RAD51AP2: variants seen among roughly 807,000 people sequenced by gnomAD.
RAD51AP2 encodes the protein RAD51-associated protein 2.
Under a neutral mutation model 85.5 loss-of-function variants are expected in RAD51AP2, and 67 were observed. That is an observed-to-expected ratio of 0.78 (90% CI 0.64 to 0.96). The LOEUF is 0.96. RAD51AP2 is among the 40% of genes least tolerant of loss of function. The probability of loss-of-function intolerance (pLI) is 0.00; values close to 1 mark genes in which losing one functional copy is unlikely to be tolerated. For missense variants in RAD51AP2, 1,307 were observed against 1,332.4 expected (o/e 0.98, Z 0.30); for synonymous variants, 474 against 446.5 (o/e 1.06, Z -0.78).
chr2:17,528,279 G>T, the RAD51AP2 span, among the ~76,000 whole-genome samples: 2 of 152,044 alleles, frequency 1.3e-5, no homozygotes, highest in Non-Finnish European at 2.9e-5. Flanking sequence ...ATATTTTATT[G>T]ATTGATTAAT....
chr2:17,531,840 G>T, the RAD51AP2 span, among the ~76,000 whole-genome samples: 82 of 152,248 alleles, frequency 5.4e-4, no homozygotes, highest in African/African-American at 1.9e-3. Flanking sequence ...TTATTATCCA[G>T]AATTTCTTAG....
At position 17,516,617 on chromosome 2, in the gene RAD51AP2, T is replaced by C; in HGVS notation, c.1799A>G (p.Asp600Gly). ...AATGCATTCCTCTTCTAATTCAAAA[T>C]CATTTTCAATTCTTGTTAAAGAGTC... Reference protein sequence around the residue: ...NFDSLTRIENDFELEEECIFK... With the variant: ...NFDSLTRIENGFELEEECIFK... The change falls in exon 1 of 3, where the codon GAT (aspartate) becomes GGT (glycine). Residue 600 changes from aspartate (D) to glycine (G), a missense_variant. Asp to Gly is a moderately conservative substitution (Grantham distance 94). Around this residue, in one of 3 missense-constraint regions of RAD51AP2, gnomAD observed 668 missense variants for 671.0 expected, o/e 1.00. Coordinates refer to ENST00000399080, the MANE Select transcript of RAD51AP2 (RefSeq NM_001099218.3). 6.4e-7 allele frequency: 1 copy of C among 1,574,542 alleles called. No homozygotes were observed. The highest frequency in any genetic ancestry group is 8.6e-7 in the Non-Finnish European group (1 of 1,164,388).
intron 2 of RAD51AP2, among the ~76,000 whole-genome samples, chr2:17,511,785 A>C (rs2058991514): frequency 6.6e-6 from 1 of 152,184 alleles, no homozygotes; most frequent in African/African-American, 2.4e-5. Flanking sequence ...ATCTATGTAA[A>C]CTTTAATGAA....
At chr2:17,525,626 C>G in the RAD51AP2 span, among the ~76,000 whole-genome samples, 1 of 152,022 alleles carries the variant, frequency 6.6e-6, no homozygotes, top group African/African-American at 2.4e-5. Flanking sequence ...TTACATAGTA[C>G]TTATGAATAG....
Position 17,516,440 on chromosome 2 carries a change from A to C in RAD51AP2, c.1976T>G (p.Phe659Cys), listed in dbSNP as rs754812020. The stretch of plus-strand genomic sequence containing the variant: ...AATGAGTTTTTTCTTAGACTTTTCA[A>C]AAACTTGTTCAGTTCTAAATAACTT... ...KRKLFRTEQV[F>C]EKSKKKLINS... The change falls in exon 1 of 3, where the codon TTT becomes TGT. Residue 659 changes from phenylalanine to cysteine, a missense_variant. Transcript: ENST00000399080. 1.9e-6 allele frequency: 3 copies of C among 1,586,466 alleles called. No individual in the cohort carries two copies. The East Asian group carries it at 6.7e-5, about 36-fold the overall frequency.
Position 17,517,244 on chromosome 2 carries a change from T to A in RAD51AP2, c.1172A>T (p.Lys391Ile). The A allele has an allele frequency of 1.2e-6, 2 of 1,614,038 alleles. No homozygotes were observed. The highest frequency in any genetic ancestry group is 1.7e-6 in the Non-Finnish European group (2 of 1,179,978). ...LDSYVLTRLE[K>I]SQNWDCNVRH... is the part of the protein sequence containing the mutation. ...AACGTTACAGTCCCAGTTTTGAGAT[T>A]TTTCCAGCCTGGTAAGTACGTAACT... The change falls in exon 1 of 3, where the codon AAA (lysine) becomes ATA (isoleucine). Residue 391 changes from lysine (K) to isoleucine (I), a missense_variant. Transcript: ENST00000399080.
At position 17,515,832 on chromosome 2, in the gene RAD51AP2, C is replaced by T. The variant is rs1487785985; in HGVS notation, c.2584G>A (p.Asp862Asn). 6.2e-7 allele frequency: 1 copy of T among 1,607,832 alleles called. No homozygotes were observed. The highest frequency in any genetic ancestry group is 8.5e-7 in the Non-Finnish European group (1 of 1,176,018). Residue 862 changes from aspartate to asparagine, a missense_variant, in exon 1 of 3, where the codon GAT (aspartate) becomes AAT (asparagine). By Grantham distance (23) the Asp-to-Asn change is conservative. Coordinates refer to ENST00000399080, the MANE Select transcript of RAD51AP2 (RefSeq NM_001099218.3). Reference sequence around the variant, plus strand: ...ATGTCATCCATTGGAAAAAAACTATCTTTCTCTTCCTTTTCTATCTTAGTA... The same window carrying T: ...ATGTCATCCATTGGAAAAAAACTATTTTTCTCTTCCTTTTCTATCTTAGTA... ...KDTKIEKEEK[D>N]SFFPMDDMFS...
At chr2:17,531,300 C>T in the RAD51AP2 span, among the ~76,000 whole-genome samples, 2 of 152,002 alleles carry the variant, frequency 1.3e-5, no homozygotes, top group South Asian at 2.1e-4. Flanking sequence ...ACTGGGGAGT[C>T]GGGAAAGCCT....
intron 2 of RAD51AP2, among the ~76,000 whole-genome samples, chr2:17,513,395 G>C (rs1662555011): frequency 6.6e-6 from 1 of 151,840 alleles, no homozygotes; most frequent in Non-Finnish European, 1.5e-5. Context: ...CCACCACCAT[G>C]CCTGGCTAAT....
chr2:17,520,557 G>A (rs1392728349), upstream of RAD51AP2, among the ~76,000 whole-genome samples: 2 of 151,966 alleles, frequency 1.3e-5, no homozygotes, highest in African/African-American at 2.4e-5. Flanking sequence ...TTCTTTTAGC[G>A]TGGTGTCTTC....
At chr2:17,518,853 G>A (rs1662789944), upstream of RAD51AP2, among the ~76,000 whole-genome samples, 1 of 151,928 alleles carries the variant, frequency 6.6e-6, no homozygotes, top group Non-Finnish European at 1.5e-5. Context: ...CCTCAGAAAC[G>A]GCATCTCCAC....
At chr2:17,526,100 A>G in the RAD51AP2 span, among the ~76,000 whole-genome samples, 1 of 151,946 alleles carries the variant, frequency 6.6e-6, no homozygotes, top group African/African-American at 2.4e-5. Flanking sequence ...TAAGTAATAT[A>G]ATGAATCAAG....
rs1284306849 is a variant in RAD51AP2, at chr2:17,518,419, A to C, written c.-4T>G. The C allele has an allele frequency of 2.5e-6, 4 of 1,608,842 alleles. No individual in the cohort carries two copies. Among genetic ancestry groups the C allele is most frequent in the Non-Finnish European group, 3.4e-6 (4 of 1,178,486 alleles). On this transcript the variant is annotated 5_prime_UTR_variant, in exon 1 of 3. Coordinates refer to ENST00000399080, the MANE Select transcript of RAD51AP2 (RefSeq NM_001099218.3). ...GCGTGGGCTGAGGGAGAGACATGAC[A>C]GCGAATGGAAAGGATCTGTCCGAGT...
rs1662464479 is a variant in RAD51AP2 at position 17,510,679 on chromosome 2, CACTCAAAAAAAAAAA to C, written c.*110_*124del. On this transcript the variant is annotated 3_prime_UTR_variant, in exon 3 of 3. Transcript: ENST00000399080. ...TTGAAAGGTAATACCATAATTTATA[CACTCAAAAAAAAAAA>C]CTTCTCCACTTTATAATAAAGCAAG... 4.2e-6 allele frequency: 2 copies of C among 473,354 alleles called. No individual in the cohort carries two copies. The highest frequency in any genetic ancestry group is 1.0e-4 in the Admixed American group (2 of 19,148). The allele number at this position is 473,354 out of a possible 1,614,324, so 29.3% of individuals were successfully genotyped here. A position where few individuals can be genotyped will look rare whatever the true frequency, so the allele number is the denominator to read the frequency against.
the RAD51AP2 span, among the ~76,000 whole-genome samples, chr2:17,531,725 C>T: frequency 6.6e-6 from 1 of 152,122 alleles, no homozygotes; most frequent in African/African-American, 2.4e-5. Flanking sequence ...TGAAAGGTCT[C>T]TAAGGAAGTT....
At position 17,515,542 on chromosome 2, in the gene RAD51AP2, T is replaced by C; in HGVS notation, c.2874A>G (p.Ile958Met). The C allele has an allele frequency of 6.2e-7, 1 of 1,609,588 alleles. No individual in the cohort carries two copies. Among genetic ancestry groups the C allele is most frequent in the South Asian group, 1.1e-5 (1 of 89,580 alleles). ...TTCTCTTCATCTCAAAATCTTTTAC[T>C]ATTGTCAGAGCTTCTGTTGATAAAT... ...AKYLSTEALTIVKDFEMKRKF... is the reference protein window; with the variant it reads ...AKYLSTEALTMVKDFEMKRKF... The change falls in exon 1 of 3, where the codon ATA becomes ATG. Residue 958 changes from isoleucine (I) to methionine (M), a missense_variant. Ile to Met is a conservative substitution (Grantham distance 10). Coordinates refer to ENST00000399080, the MANE Select transcript of RAD51AP2 (RefSeq NM_001099218.3).
chr2:17,535,885 C>G, the RAD51AP2 span, among the ~76,000 whole-genome samples: 1 of 148,558 alleles, frequency 6.7e-6, no homozygotes, highest in East Asian at 2.0e-4. Flanking sequence ...CTTGAACACC[C>G]CCTTAGGAAT....
At chr2:17,522,320 A>T (rs537709312), upstream of RAD51AP2, among the ~76,000 whole-genome samples, 1 of 152,014 alleles carries the variant, frequency 6.6e-6, no homozygotes, top group East Asian at 1.9e-4. Context: ...TCGCAGTTTC[A>T]GTCTAGGCCA....
chr2:17,522,011 C>G (rs559637213), upstream of RAD51AP2, among the ~76,000 whole-genome samples: 2 of 152,082 alleles, frequency 1.3e-5, no homozygotes, highest in South Asian at 2.1e-4. Context: ...CTCGTTATCT[C>G]TTTCTGAGAA....
Sources: allele counts gnomAD v4.1 joint callset (sites outside exome capture counted in the v4.1 genomes callset), GRCh38; gene constraint gnomAD v4.1.1; regional missense constraint gnomAD v4.1.1; transcripts MANE v1.5; gene names NCBI Gene and HGNC (gene_info 2026-07-23, HGNC 2026-07-21).